Variants in PRKACB observed in about 807,000 individuals in gnomAD.
PRKACB encodes cAMP-dependent protein kinase catalytic subunit beta.
A neutral mutation model predicts 51.4 loss-of-function variants in PRKACB; 16 were observed. The ratio of observed to expected loss-of-function variants is 0.31; its 90% CI spans 0.21 to 0.47. PRKACB has a LOEUF of 0.47. PRKACB is among the 20% of genes least tolerant of loss of function. The probability of loss-of-function intolerance (pLI) is 1.00; values close to 1 mark genes in which losing one functional copy is unlikely to be tolerated. For synonymous variants in PRKACB, 147 were observed against 154.4 expected, an observed-to-expected ratio of 0.95 and a Z score of 0.35; for missense variants, 309 against 464.5, an observed-to-expected ratio of 0.67 and a Z score of 3.08.
intron 8 of PRKACB, 122 bp downstream of exon 8, chr1:84,202,927 A>G: frequency 1.1e-6 from 1 of 894,690 alleles, no homozygotes; most frequent in Non-Finnish European, 1.6e-6. Flanking sequence ...AAAAATCTAC[A>G]GTTGCTGCTC....
chr1:84,105,734 G>A (rs1227876596), intron 1 of PRKACB, among the ~76,000 whole-genome samples: 5 of 151,888 alleles, frequency 3.3e-5, no homozygotes, highest in Non-Finnish European at 7.4e-5. Context: ...CGCCACCACA[G>A]CCCAGCTAAT....
chr1:84,087,791 A>G (rs969936985), intron 1 of PRKACB, among the ~76,000 whole-genome samples: 3 of 152,156 alleles, frequency 2.0e-5, no homozygotes, highest in Admixed American at 6.5e-5. Context: ...GTTTACTACT[A>G]TTATGCAAAT....
At chr1:84,078,694 A>G (rs1445241428) in intron 1 of PRKACB, among the ~76,000 whole-genome samples, 3 of 152,192 alleles carry the variant, frequency 2.0e-5, no homozygotes, top group Non-Finnish European at 4.4e-5. Flanking sequence ...AGAAGTCCCT[A>G]GTGCCATCCC....
At chr1:84,146,225 A>G (rs1360195012) in intron 1 of PRKACB, among the ~76,000 whole-genome samples, 1 of 151,922 alleles carries the variant, frequency 6.6e-6, no homozygotes, top group African/African-American at 2.4e-5. Flanking sequence ...TAGCGCTGCA[A>G]ATAATATGCA....
intron 1 of PRKACB, among the ~76,000 whole-genome samples, chr1:84,148,576 C>A (rs904385027): frequency 6.6e-6 from 1 of 152,056 alleles, no homozygotes; most frequent in African/African-American, 2.4e-5. Context: ...CAGTATTACA[C>A]AAATGAGCTT....
Position 84,238,454 on chromosome 1 carries a change from TAATC to T in PRKACB, c.*3153_*3156del, listed in dbSNP as rs1272764426. On this transcript the variant is annotated 3_prime_UTR_variant, in exon 10 of 10. Coordinates refer to ENST00000370685, the MANE Select transcript of PRKACB (RefSeq NM_182948.4). ...GCTGAAAACAACTGTGTTTTTTAAT[TAATC>T]AATAACTGCAAAATTAAAGTACCTT... is the stretch of plus-strand genomic sequence containing the variant. The T allele has an allele frequency of 6.6e-6, 1 of 152,660 alleles. No individual in the cohort carries two copies. The highest frequency in any genetic ancestry group is 2.4e-5 in the African/African-American group (1 of 41,476). 9.5% of individuals were successfully genotyped at this position (152,660 alleles called of 1,614,324 possible).
intron 8 of PRKACB, among the ~76,000 whole-genome samples, chr1:84,209,813 A>C (rs1164773579): frequency 6.6e-6 from 1 of 152,210 alleles, no homozygotes; most frequent in Non-Finnish European, 1.5e-5. Flanking sequence ...TAATCCAAGC[A>C]CAAATTCCTG....
chr1:84,094,346 T>C (rs1648760087), intron 1 of PRKACB, among the ~76,000 whole-genome samples: 2 of 152,056 alleles, frequency 1.3e-5, no homozygotes, highest in South Asian at 4.1e-4. Context: ...GAATCTTAAA[T>C]TAATATTGCA....
intron 1 of PRKACB, among the ~76,000 whole-genome samples, chr1:84,174,771 G>A (rs1346613103): frequency 6.6e-6 from 1 of 151,876 alleles, no homozygotes; most frequent in African/African-American, 2.4e-5. Context: ...GACTATTGTT[G>A]TGAGAACTTA....
intron 1 of PRKACB, among the ~76,000 whole-genome samples, chr1:84,130,108 T>G (rs1652024107): frequency 7.1e-6 from 1 of 139,922 alleles, no homozygotes; most frequent in African/African-American, 2.7e-5. Flanking sequence ...GCTGATGGCA[T>G]GAACCTGGGA....
chr1:84,216,020 A>G (rs1191723667), intron 9 of PRKACB, among the ~76,000 whole-genome samples: 1 of 152,096 alleles, frequency 6.6e-6, no homozygotes, highest in African/African-American at 2.4e-5. Flanking sequence ...AGTTTTTCTA[A>G]TTTATATATT....
chr1:84,213,714 T>C (rs2101574912), intron 8 of PRKACB, among the ~76,000 whole-genome samples: 1 of 152,366 alleles, frequency 6.6e-6, no homozygotes, highest in South Asian at 2.1e-4. Context: ...GATAGATCTC[T>C]TTTCAAAATG....
At chr1:84,190,050 G>T (rs183502999) in intron 5 of PRKACB, among the ~76,000 whole-genome samples, 1 of 150,914 alleles carries the variant, frequency 6.6e-6, no homozygotes, top group Non-Finnish European at 1.5e-5. Flanking sequence ...TTCTTCCTCC[G>T]TTTTTGGAAC....
chr1:84,096,465 T>A (rs1648933584), intron 1 of PRKACB, among the ~76,000 whole-genome samples: 1 of 152,138 alleles, frequency 6.6e-6, no homozygotes, highest in African/African-American at 2.4e-5. Flanking sequence ...TTTTCCCTTG[T>A]CAGCCAAGTG....
chr1:84,079,201 GTA>G (rs780637401), intron 1 of PRKACB, among the ~76,000 whole-genome samples: 127 of 152,260 alleles, frequency 8.3e-4, no homozygotes, highest in Non-Finnish European at 1.4e-3. Flanking sequence ...ATATATGTGT[GTA>G]TATATGTGTC....
chr1:84,173,603 T>C (rs1259300099), intron 1 of PRKACB, among the ~76,000 whole-genome samples: 1 of 151,784 alleles, frequency 6.6e-6, no homozygotes, highest in Non-Finnish European at 1.5e-5. Context: ...CCCCTAGATT[T>C]ACACTTTCCA....
Position 84,202,824 on chromosome 1 carries a change from TA to T in PRKACB, c.906+20del. ...TGGAAAGGTAAGTAAAACATTTTAT[TA>T]TTCCTCTCTTATTACTGTATATGAA... On this transcript the variant is annotated intron_variant, in intron 8 of 9. Coordinates refer to ENST00000370685, the MANE Select transcript of PRKACB (RefSeq NM_182948.4). The T allele has an allele frequency of 6.4e-7, 1 of 1,563,020 alleles. No individual in the cohort carries two copies. The highest frequency in any genetic ancestry group is 1.1e-5 in the South Asian group (1 of 88,842).
intron 1 of PRKACB, among the ~76,000 whole-genome samples, chr1:84,160,659 C>T (rs1479366384): frequency 6.7e-6 from 1 of 149,444 alleles, no homozygotes; most frequent in Non-Finnish European, 1.5e-5. Flanking sequence ...AATTTTTTTT[C>T]TAAACCTGCT....
intron 8 of PRKACB, among the ~76,000 whole-genome samples, chr1:84,212,975 GGTAAT>G (rs1431435012): frequency 7.2e-5 from 11 of 152,156 alleles, no homozygotes; most frequent in African/African-American, 9.7e-5. Flanking sequence ...GAGCAACTGA[GGTAAT>G]GTAATGATGC....
Sources: gnomAD v4.1 joint callset for allele counts (sites outside exome capture counted in the v4.1 genomes callset) on GRCh38, gnomAD v4.1.1 for gene constraint, MANE v1.5 for transcripts, NCBI Gene and HGNC (gene_info 2026-07-23, HGNC 2026-07-21) for gene names.